The following STOML2 variants were observed in gnomAD, a reference collection of about 807,000 sequenced individuals.
STOML2 encodes stomatin like 2.
Under a neutral mutation model 45.7 loss-of-function variants are expected in STOML2, and 22 were observed. The ratio of observed to expected loss-of-function variants is 0.48; its 90% confidence interval spans 0.34 to 0.69. STOML2 has a LOEUF of 0.69. Ranked by LOEUF, STOML2 falls within the 30% of genes least tolerant of loss-of-function variation. STOML2 has a pLI of 0.01. For synonymous variants in STOML2, 181 were observed against 182.7 expected (o/e 0.99, Z 0.08); for missense variants, 359 against 466.9 (o/e 0.77, Z 2.13).
Position 35,102,200 on chromosome 9 carries a change from A to T in STOML2, c.184-6T>A. On this transcript the variant is annotated splice_polypyrimidine_tract_variant and splice_region_variant and intron_variant, in intron 2 of 9. Transcript: ENST00000356493. The surrounding 1 kb of genome is among the most constrained non-coding windows in gnomAD (Gnocchi z 4.8). ...GGGATGAGGATGTTCAAACCCTGGA[A>T]AGAGGAGTCATGGGTCCTCAGAAGG... 6.2e-7 allele frequency: 1 copy of T among 1,613,280 alleles called. No individual in the cohort carries two copies. Among genetic ancestry groups the T allele is most frequent in the Non-Finnish European group, 8.5e-7 (1 of 1,179,464 alleles).
rs1829820184 is a variant in STOML2 at position 35,101,638 on chromosome 9, T to C, written c.444+72A>G. On this transcript the variant is annotated intron_variant, in intron 5 of 9. Coordinates refer to ENST00000356493, the MANE Select transcript of STOML2 (RefSeq NM_013442.3). The surrounding 1 kb of genome is among the most constrained non-coding windows in gnomAD (Gnocchi z 4.3). ...CACTGAGAAGGGCCTGGGACTGATC[T>C]TGACCTTCAGAAAAGATTAAGAGTG... is the stretch of plus-strand genomic sequence containing the variant. 1.2e-6 allele frequency: 2 copies of C among 1,613,714 alleles called. No homozygotes were observed. The highest frequency in any genetic ancestry group is 3.3e-5 in the Admixed American group (2 of 59,998).
chr9:35,100,960 C>T lies in STOML2; in HGVS notation c.776G>A (p.Arg259Gln), dbSNP rs201944176. 8.7e-6 allele frequency: 14 copies of T among 1,614,224 alleles called. No individual in the cohort carries two copies. In the East Asian group the frequency reaches 1.3e-4, roughly 15 times the overall value. ...AKAKAKAEAI[R>Q]ILAAALTQHN... is the part of the protein sequence containing the mutation. ...TTGTGTCAGAGCTGCAGCCAGGATT[C>T]GAATAGCTTCAGCTTTAGCCTTGGC... Residue 259 changes from arginine to glutamine, a missense_variant, in exon 8 of 10, where the codon CGA (arginine) becomes CAA (glutamine). Arg to Gln is a conservative substitution (Grantham distance 43). Transcript: ENST00000356493.
At chr9:35,100,816 G>A (rs1829800360) in intron 8 of STOML2, 90 bp from the exon 9 acceptor site, 23 of 1,611,788 alleles carry the variant, frequency 1.4e-5, no homozygotes, top group Non-Finnish European at 2.0e-5. Context: ...ACAATAAAAA[G>A]GACCATGTAA....
chr9:35,101,505 C>A lies in STOML2; in HGVS notation c.500G>T (p.Cys167Phe). The change falls in exon 6 of 10, where the codon TGC becomes TTC. Residue 167 changes from cysteine (C) to phenylalanine (F), a missense_variant. Around this residue, in one of 2 missense-constraint regions of STOML2, gnomAD observed 285 missense variants for 422.0 expected, o/e 0.68. Coordinates refer to ENST00000356493, the MANE Select transcript of STOML2 (RefSeq NM_013442.3). This position sits in a 1 kb window ranked among gnomAD's most constrained non-coding sequence, Gnocchi z 4.3. Reference sequence around the variant, plus strand: ...ATAACGGAGGCAGCGGATACCCCAGCAGTCAGCAGCTTGGTTGATGGCATC... The same window carrying A: ...ATAACGGAGGCAGCGGATACCCCAGAAGTCAGCAGCTTGGTTGATGGCATC... The part of the protein sequence containing the change: ...IVDAINQAAD[C>F]WGIRCLRYEI... The A allele has an allele frequency of 6.2e-7, 1 of 1,614,106 alleles. No homozygotes were observed. The highest frequency in any genetic ancestry group is 8.5e-7 in the Non-Finnish European group (1 of 1,180,034).
intron 9 of STOML2, among the ~76,000 whole-genome samples, 183 bp downstream of exon 9, chr9:35,100,415 A>G (rs1204584358): frequency 2.6e-5 from 4 of 152,238 alleles, no homozygotes; most frequent in African/African-American, 7.2e-5. Flanking sequence ...AAGAACTTCC[A>G]TATTTGCAGG....
chr9:35,103,015 G>A, intron 1 of STOML2, 35 bp downstream of exon 1: 1 of 1,613,758 alleles, frequency 6.2e-7, no homozygotes, highest in South Asian at 1.1e-5. Context: ...GGTAATCTCT[G>A]TCCTGACCCT....
chr9:35,102,688 G>A lies in STOML2; in HGVS notation c.181C>T (p.Pro61Ser). The change falls in exon 2 of 10, where the codon CCT becomes TCT. Residue 61 changes from proline to serine, a missense_variant and splice_region_variant. Physicochemically the swap from Pro to Ser is moderately conservative, Grantham distance 74. Around this residue, in one of 2 missense-constraint regions of STOML2, gnomAD observed 285 missense variants for 422.0 expected, o/e 0.68. Coordinates refer to ENST00000356493, the MANE Select transcript of STOML2 (RefSeq NM_013442.3). The surrounding 1 kb of genome is among the most constrained non-coding windows in gnomAD (Gnocchi z 4.8). ...RMGRFHRILEPGLNILIPVLD... is the reference protein window; with the variant it reads ...RMGRFHRILESGLNILIPVLD... The stretch of plus-strand genomic sequence containing the variant: ...GGTGGGCAGAAGAGGTTTCTCACAG[G>A]CTCCAGGATCCGGTGGAATCGGCCC... 1 of 1,612,538 alleles carries A rather than the reference G, an allele frequency of 6.2e-7. No homozygotes were observed. Among genetic ancestry groups the A allele is most frequent in the Non-Finnish European group, 8.5e-7 (1 of 1,180,010 alleles).
intron 8 of STOML2, 88 bp from the exon 9 acceptor site, chr9:35,100,814 A>AAGG (rs1829800309): frequency 1.2e-6 from 2 of 1,612,056 alleles, no homozygotes; most frequent in Admixed American, 3.3e-5. Context: ...TCACAATAAA[A>AAGG]AGGACCATGT....
chr9:35,103,161 C>G, upstream of STOML2: 2 of 1,587,418 alleles, frequency 1.3e-6, no homozygotes, highest in Non-Finnish European at 1.7e-6. Context: ...AGAAGCCTAC[C>G]CGAGCCTTTC....
At position 35,103,081 on chromosome 9, in the gene STOML2, G is replaced by A. The variant is rs750689070; in HGVS notation, c.14C>T (p.Ala5Val). 1 of 1,613,760 alleles carries A rather than the reference G, an allele frequency of 6.2e-7. No homozygotes were observed. The highest frequency in any genetic ancestry group is 8.5e-7 in the Non-Finnish European group (1 of 1,179,966). The change falls in exon 1 of 10, where the codon GCG becomes GTG. Residue 5 changes from alanine (A) to valine (V), a missense_variant. Physicochemically the swap from Ala to Val is moderately conservative, Grantham distance 64. Coordinates refer to ENST00000356493, the MANE Select transcript of STOML2 (RefSeq NM_013442.3). Reference sequence around the variant, plus strand: ...CAAAAGGGCCCCAGTGCCCCGCGCCGCGCGCGCCAGCATTTCCCACCGCCG... The same window carrying A: ...CAAAAGGGCCCCAGTGCCCCGCGCCACGCGCGCCAGCATTTCCCACCGCCG... MLARAARGTGALLLR... is the reference protein window; with the variant it reads MLARVARGTGALLLR...
chr9:35,101,350 T>A lies in STOML2; in HGVS notation c.580-71A>T. ...TACAGACATGCAACTCTACCCATCA[T>A]AACAGGAGGGAAGTCTGGATCCTCC... On this transcript the variant is annotated intron_variant, in intron 6 of 9. Coordinates refer to ENST00000356493, the MANE Select transcript of STOML2 (RefSeq NM_013442.3). This position sits in a 1 kb window ranked among gnomAD's most constrained non-coding sequence, Gnocchi z 4.3. The A allele has an allele frequency of 1.2e-6, 2 of 1,612,166 alleles. No homozygotes were observed. Among genetic ancestry groups the A allele is most frequent in the Non-Finnish European group, 1.7e-6 (2 of 1,179,016 alleles).
Position 35,103,086 on chromosome 9 carries a change from CGCCA to C in STOML2, c.5_8del (p.Leu2ArgfsTer12). The C allele has an allele frequency of 6.2e-7, 1 of 1,613,824 alleles. No individual in the cohort carries two copies. The highest frequency in any genetic ancestry group is 8.5e-7 in the Non-Finnish European group (1 of 1,179,986). ...GGGCCCCAGTGCCCCGCGCCGCGCG[CGCCA>C]GCATTTCCCACCGCCGCAGCGACCT... is the stretch of plus-strand genomic sequence containing the variant. On this transcript the variant is annotated frameshift_variant, in exon 1 of 10. Transcript: ENST00000356493. LOFTEE classifies it high-confidence loss of function.
Position 35,099,871 on chromosome 9 carries a change from TC to T in STOML2, c.*163del. On this transcript the variant is annotated 3_prime_UTR_variant, in exon 10 of 10. Coordinates refer to ENST00000356493, the MANE Select transcript of STOML2 (RefSeq NM_013442.3). ...ATGCTAGTGACTTTCCCAACTTCAT[TC>T]CCCAATCAAAGAGGACAGTTTCTGG... 2.6e-6 allele frequency: 2 copies of T among 764,162 alleles called. No homozygotes were observed. Among genetic ancestry groups the T allele is most frequent in the South Asian group, 1.9e-5 (1 of 51,880 alleles). The allele number at this position is 764,162 out of a possible 1,614,324, so 47.3% of individuals were successfully genotyped here. A position where few individuals can be genotyped will look rare whatever the true frequency, so the allele number is the denominator to read the frequency against.
chr9:35,102,817 G>C lies in STOML2; in HGVS notation c.52C>G (p.Leu18Val). ...CGCGGAGCGCGGCCAGAAGCCAGTA[G>C]AGAGCCCTGAAGGAAAGAAGAGGGT... ...GTGALLLRGS[L>V]LASGRAPRRA... The change falls in exon 2 of 10, where the codon CTA (leucine) becomes GTA (valine). Residue 18 changes from leucine (L) to valine (V), a missense_variant. Transcript: ENST00000356493. The surrounding 1 kb of genome is among the most constrained non-coding windows in gnomAD (Gnocchi z 4.8). The C allele has an allele frequency of 6.2e-7, 1 of 1,614,026 alleles. No homozygotes were observed. The highest frequency in any genetic ancestry group is 2.2e-5 in the East Asian group (1 of 44,878).
At position 35,102,541 on chromosome 9, in the gene STOML2, G is replaced by A. The variant is rs922662515; in HGVS notation, c.183+145C>T. 3.7e-6 allele frequency: 5 copies of A among 1,357,028 alleles called. 1 individual carries two copies. The highest frequency in any genetic ancestry group is 3.0e-6 in the Non-Finnish European group (3 of 997,716). The allele number at this position is 1,357,028 out of a possible 1,614,324, so 84.1% of individuals were successfully genotyped here. A position where few individuals can be genotyped will look rare whatever the true frequency, so the allele number is the denominator to read the frequency against. The stretch of plus-strand genomic sequence containing the variant: ...AAAAGGTGGTAACATGGGGATGATG[G>A]TCAGCAGCCTGGGCCCTGTCAGGTC... On this transcript the variant is annotated intron_variant, in intron 2 of 9. Transcript: ENST00000356493. The surrounding 1 kb of genome is among the most constrained non-coding windows in gnomAD (Gnocchi z 4.8).
chr9:35,099,808 A>G lies in STOML2; in HGVS notation c.*227T>C, dbSNP rs1054942463. On this transcript the variant is annotated 3_prime_UTR_variant, in exon 10 of 10. Coordinates refer to ENST00000356493, the MANE Select transcript of STOML2 (RefSeq NM_013442.3). ...CTTTACAAGAAGTTCACTCTTATTCATGGAGGCATCATGCTGACAGGACTG... is the reference window on the plus strand; with the variant it reads ...CTTTACAAGAAGTTCACTCTTATTCGTGGAGGCATCATGCTGACAGGACTG... 2 of 513,578 alleles carry G rather than the reference A, an allele frequency of 3.9e-6. No individual in the cohort carries two copies. The highest frequency in any genetic ancestry group is 3.5e-6 in the Non-Finnish European group (1 of 285,150). The allele number at this position is 513,578 out of a possible 1,614,324, so 31.8% of individuals were successfully genotyped here. A position where few individuals can be genotyped will look rare whatever the true frequency, so the allele number is the denominator to read the frequency against.
In STOML2 at chr9:35,102,870, G is replaced by A. The variant is rs767615814; in HGVS notation, c.46-47C>T. Reference sequence around the variant, plus strand: ...GCAGAGATCCCATCTGGCCAGACACGCCGCCCCTCGGTCCTGAAGGCATCT... The same window carrying A: ...GCAGAGATCCCATCTGGCCAGACACACCGCCCCTCGGTCCTGAAGGCATCT... On this transcript the variant is annotated intron_variant, in intron 1 of 9. Coordinates refer to ENST00000356493, the MANE Select transcript of STOML2 (RefSeq NM_013442.3). The surrounding 1 kb of genome is among the most constrained non-coding windows in gnomAD (Gnocchi z 4.8). 1 of 1,600,732 alleles carries A rather than the reference G, an allele frequency of 6.2e-7. No individual in the cohort carries two copies. The highest frequency in any genetic ancestry group is 1.7e-5 in the Admixed American group (1 of 58,296).
rs956161557 is a variant in STOML2 at position 35,102,044 on chromosome 9, C to G, written c.283+51G>C. 3 of 1,612,654 alleles carry G rather than the reference C, an allele frequency of 1.9e-6. No individual in the cohort carries two copies. ...TTTCTACTAAGCTCTGGATCTACAG[C>G]AACCACATCCTAATAGCCTCAGAGC... On this transcript the variant is annotated intron_variant, in intron 3 of 9. Coordinates refer to ENST00000356493, the MANE Select transcript of STOML2 (RefSeq NM_013442.3). The surrounding 1 kb of genome is among the most constrained non-coding windows in gnomAD (Gnocchi z 4.8).
At position 35,101,337 on chromosome 9, in the gene STOML2, A is replaced by G. The variant is rs1350952227; in HGVS notation, c.580-58T>C. On this transcript the variant is annotated intron_variant, in intron 6 of 9. Transcript: ENST00000356493. The surrounding 1 kb of genome is among the most constrained non-coding windows in gnomAD (Gnocchi z 4.3). ...CAAGGGAGACTGATACAGACATGCA[A>G]CTCTACCCATCATAACAGGAGGGAA... 1 of 1,612,928 alleles carries G rather than the reference A, an allele frequency of 6.2e-7. No homozygotes were observed. The highest frequency in any genetic ancestry group is 1.3e-5 in the African/African-American group (1 of 74,876).
Sources: gnomAD v4.1 joint callset for allele counts (sites outside exome capture counted in the v4.1 genomes callset) on GRCh38, gnomAD v4.1.1 for gene constraint, gnomAD v4.1.1 regional missense constraint, Gnocchi (gnomAD v3.1) non-coding constraint, MANE v1.5 for transcripts, NCBI Gene and HGNC (gene_info 2026-07-23, HGNC 2026-07-21) for gene names.